The following FNDC3A variants were observed in gnomAD, a reference collection of about 807,000 sequenced individuals.
FNDC3A encodes fibronectin type-III domain-containing protein 3A.
A neutral mutation model predicts 148.9 loss-of-function variants in FNDC3A; 32 were observed. The observed-to-expected ratio is 0.21, with a 90% CI of 0.16 to 0.29. The LOEUF (loss-of-function observed/expected upper bound fraction) is 0.29, where lower values mean the gene tolerates loss of function less well. FNDC3A is among the 10% of genes least tolerant of loss of function. The pLI is 1.00. For missense variants in FNDC3A, 1,191 were observed against 1,452.8 expected (o/e 0.82, Z 2.93); for synonymous variants, 472 against 473.6 (o/e 1.00, Z 0.04).
At chr13:49,125,528 A>G (rs1317704840) in intron 4 of FNDC3A, among the ~76,000 whole-genome samples, 1 of 152,168 alleles carries the variant, frequency 6.6e-6, no homozygotes, top group Non-Finnish European at 1.5e-5. Flanking sequence ...TAGGTTGCAA[A>G]AAGTAGAGAG....
chr13:49,017,017 T>G (rs1343406751), intron 2 of FNDC3A, among the ~76,000 whole-genome samples: 4 of 152,012 alleles, frequency 2.6e-5, no homozygotes, highest in African/African-American at 4.8e-5. Flanking sequence ...GAGCTTTACT[T>G]CCAAGTATGT....
chr13:49,191,771 G>C (rs945937191), intron 19 of FNDC3A, among the ~76,000 whole-genome samples: 6 of 152,230 alleles, frequency 3.9e-5, no homozygotes, highest in African/African-American at 1.4e-4. Flanking sequence ...TGAGGCTAAA[G>C]TAGCATTTAC....
intron 8 of FNDC3A, among the ~76,000 whole-genome samples, chr13:49,160,692 GTTCTT>G (rs894925479): frequency 6.6e-6 from 1 of 151,740 alleles, no homozygotes; most frequent in Non-Finnish European, 1.5e-5. Context: ...TGCTTCTCTA[GTTCTT>G]TTAATTGTGA....
Position 49,132,101 on chromosome 13 carries a change from C to T in FNDC3A, c.490+727C>T, listed in dbSNP as rs535156489. 2.0e-5 allele frequency among the ~76,000 whole-genome samples: 3 copies of T among 152,290 alleles called. No homozygotes were observed. The East Asian group carries it at 5.8e-4, about 29-fold the overall frequency. On this transcript the variant is annotated intron_variant, in intron 5 of 25. Transcript: ENST00000492622. ...AGCCAGATGGTCAAATTTGATTTCTCCTTTTCCAACCCTTACATCAATTAG... is the reference window on the plus strand; with the variant it reads ...AGCCAGATGGTCAAATTTGATTTCTTCTTTTCCAACCCTTACATCAATTAG...
intron 2 of FNDC3A, 118 bp from the exon 3 acceptor site, chr13:49,075,171 C>A: frequency 1.9e-6 from 1 of 536,684 alleles, no homozygotes; most frequent in Non-Finnish European, 3.3e-6. Context: ...AATGTGTAAT[C>A]CCCATTTTCC....
intron 1 of FNDC3A, among the ~76,000 whole-genome samples, chr13:49,002,917 A>G (rs1952151670): frequency 6.6e-6 from 1 of 152,228 alleles, no homozygotes; most frequent in Non-Finnish European, 1.5e-5. Context: ...CTGGATCATA[A>G]CTGGGTCCTA....
chr13:49,110,699 T>C (rs528120610), intron 3 of FNDC3A, among the ~76,000 whole-genome samples: 1 of 152,136 alleles, frequency 6.6e-6, no homozygotes, highest in African/African-American at 2.4e-5. Flanking sequence ...AACGCTGGCT[T>C]ATAGAGAATG....
intron 8 of FNDC3A, among the ~76,000 whole-genome samples, chr13:49,159,585 G>C (rs1419822211): frequency 1.3e-5 from 2 of 152,130 alleles, no homozygotes; most frequent in African/African-American, 2.4e-5. Context: ...TTGACTTCCT[G>C]TTTTCCTAAC....
chr13:49,068,701 C>T (rs549758184), intron 2 of FNDC3A, among the ~76,000 whole-genome samples: 18 of 152,328 alleles, frequency 1.2e-4, no homozygotes, highest in African/African-American at 3.8e-4. Flanking sequence ...GGTACATATA[C>T]ACCATGGAAT....
chr13:49,186,979 TGG>T (rs1885608507), intron 15 of FNDC3A, 141 bp from the exon 16 acceptor site: 1 of 513,456 alleles, frequency 1.9e-6, no homozygotes, highest in African/African-American at 1.9e-5. Context: ...GACAACAGCA[TGG>T]AGTAATTGGG....
At chr13:49,162,377 C>T (rs927769397) in intron 8 of FNDC3A, among the ~76,000 whole-genome samples, 5 of 151,976 alleles carry the variant, frequency 3.3e-5, no homozygotes, top group Non-Finnish European at 7.4e-5. Flanking sequence ...TCACTGATAC[C>T]CTTTCTTCCA....
intron 1 of FNDC3A, among the ~76,000 whole-genome samples, chr13:48,999,605 G>T (rs1368278194): frequency 2.0e-5 from 3 of 152,076 alleles, no homozygotes; most frequent in Admixed American, 6.6e-5. Flanking sequence ...AAGGTCAGGG[G>T]CCGAATATTA....
intron 24 of FNDC3A, among the ~76,000 whole-genome samples, chr13:49,202,886 T>C (rs1886485508): frequency 6.6e-6 from 1 of 152,168 alleles, no homozygotes; most frequent in Non-Finnish European, 1.5e-5. Flanking sequence ...TATGCCTGTG[T>C]GTGTAGCTGC....
intron 1 of FNDC3A, among the ~76,000 whole-genome samples, chr13:48,989,043 G>T (rs1233505022): frequency 6.6e-6 from 1 of 152,270 alleles, no homozygotes; most frequent in East Asian, 1.9e-4. Context: ...AGAAGTGCCT[G>T]TTTCCACTAG....
chr13:49,094,543 AAATAATTC>A (rs1345952875), intron 3 of FNDC3A, among the ~76,000 whole-genome samples: 2 of 152,116 alleles, frequency 1.3e-5, no homozygotes, highest in Non-Finnish European at 2.9e-5. Context: ...TACTTTATGT[AAATAATTC>A]TTAACCTAAT....
intron 2 of FNDC3A, among the ~76,000 whole-genome samples, chr13:49,070,731 C>T (rs1187552390): frequency 1.3e-5 from 2 of 152,072 alleles, no homozygotes; most frequent in African/African-American, 4.8e-5. Context: ...CTCCAGTAAC[C>T]ACGATTCTAT....
At chr13:49,057,971 G>A (rs904002738) in intron 2 of FNDC3A, among the ~76,000 whole-genome samples, 5 of 151,996 alleles carry the variant, frequency 3.3e-5, no homozygotes, top group African/African-American at 1.2e-4. Flanking sequence ...CTAACCCCTA[G>A]TACCTCAGAC....
At chr13:49,069,154 GA>G (rs1370118101) in intron 2 of FNDC3A, among the ~76,000 whole-genome samples, 1 of 152,114 alleles carries the variant, frequency 6.6e-6, no homozygotes, top group Non-Finnish European at 1.5e-5. Flanking sequence ...AGAAGAGAAT[GA>G]AATGAGTATT....
intron 2 of FNDC3A, among the ~76,000 whole-genome samples, chr13:49,020,411 G>A (rs1873233445): frequency 6.6e-6 from 1 of 152,238 alleles, no homozygotes; most frequent in Non-Finnish European, 1.5e-5. Context: ...TTACTAAGTA[G>A]TTAAGTCTTA....
Sources: allele counts gnomAD v4.1 joint callset (sites outside exome capture counted in the v4.1 genomes callset), GRCh38; gene constraint gnomAD v4.1.1; transcripts MANE v1.5; gene names NCBI Gene and HGNC (gene_info 2026-07-23, HGNC 2026-07-21).